The following SLC26A5 variants were observed in gnomAD, a reference collection of about 807,000 sequenced individuals.
SLC26A5 encodes the protein solute carrier family 26 member 5.
SLC26A5 carries 51 observed loss-of-function variants against 81.0 expected under a neutral mutation model. That is an observed-to-expected ratio of 0.63 (90% CI 0.50 to 0.80). The LOEUF is 0.80. Ranked by LOEUF, SLC26A5 falls within the 30% of genes least tolerant of loss-of-function variation. SLC26A5 has a pLI of 0.00. For synonymous variants in SLC26A5, 325 were observed against 332.8 expected, an observed-to-expected ratio of 0.98 and a Z score of 0.25; for missense variants, 771 against 905.8, an observed-to-expected ratio of 0.85 and a Z score of 1.91.
intron 2 of SLC26A5, among the ~76,000 whole-genome samples, chr7:103,434,460 AC>A (rs796369651): frequency 5.9e-5 from 9 of 152,202 alleles, no homozygotes; most frequent in African/African-American, 2.2e-4. Flanking sequence ...TTTTAACCTC[AC>A]ACTTTTCCTC....
downstream of SLC26A5, among the ~76,000 whole-genome samples, chr7:103,373,661 A>C (rs190136847): frequency 1.8e-3 from 276 of 152,316 alleles, no homozygotes; most frequent in African/African-American, 6.4e-3. Context: ...AAATCTGGGG[A>C]CAATTGGGGA....
At chr7:103,376,676 G>A (rs1821374096) in intron 19 of SLC26A5, 132 bp downstream of exon 19, 1 of 715,958 alleles carries the variant, frequency 1.4e-6, no homozygotes, top group Non-Finnish European at 2.3e-6. Flanking sequence ...TGGCTTTAGA[G>A]TGATTTTTCA....
intron 4 of SLC26A5, among the ~76,000 whole-genome samples, chr7:103,414,231 G>T (rs1824733980): frequency 7.0e-6 from 1 of 142,742 alleles, no homozygotes; most frequent in South Asian, 2.2e-4. Flanking sequence ...TGTCACCCAG[G>T]CTGGAGTACA....
At chr7:103,429,381 T>C (rs1252434713) in intron 2 of SLC26A5, among the ~76,000 whole-genome samples, 1 of 152,234 alleles carries the variant, frequency 6.6e-6, no homozygotes, top group Non-Finnish European at 1.5e-5. Context: ...ATGACTTCTC[T>C]ATGGGCCTCA....
intron 4 of SLC26A5, among the ~76,000 whole-genome samples, chr7:103,417,250 G>C (rs567590736): frequency 6.6e-6 from 1 of 151,668 alleles, no homozygotes; most frequent in East Asian, 2.0e-4. Context: ...CGCACCTGTA[G>C]TCCCAGCTAC....
rs973691443 is a variant in SLC26A5 at position 103,353,947 on chromosome 7, T to C, written c.2042-1021A>G. ...TCTGGATGAGGGGGATATTGCCTTGTTGAAAACTTATGTAAGTCCTTTCAG... is the reference window on the plus strand; with the variant it reads ...TCTGGATGAGGGGGATATTGCCTTGCTGAAAACTTATGTAAGTCCTTTCAG... On this transcript the variant is annotated intron_variant, in intron 19 of 19. Transcript: ENST00000339444. The C allele has an allele frequency of 1.3e-5, 21 of 1,601,334 alleles. 1 individual carries two copies. The highest frequency in any genetic ancestry group is 1.5e-5 in the Non-Finnish European group (18 of 1,171,768).
chr7:103,372,670 A>T (rs1326804428), downstream of SLC26A5, among the ~76,000 whole-genome samples: 1 of 152,184 alleles, frequency 6.6e-6, no homozygotes, highest in Admixed American at 6.5e-5. Flanking sequence ...ATGAACTTCT[A>T]AGGAAGATTT....
chr7:103,371,526 C>T (rs1472342781), downstream of SLC26A5, among the ~76,000 whole-genome samples: 366 of 150,726 alleles, frequency 2.4e-3, 8 homozygotes, highest in Admixed American at 0.022. Context: ...GGGGTTTCAC[C>T]ATGTTAGCCA....
chr7:103,389,810 T>A (rs988518590), intron 12 of SLC26A5, among the ~76,000 whole-genome samples: 1 of 152,098 alleles, frequency 6.6e-6, no homozygotes, highest in Non-Finnish European at 1.5e-5. Flanking sequence ...GTATTTCTAG[T>A]AGAGACGGGA....
chr7:103,355,791 C>T lies in SLC26A5; in HGVS notation c.2042-2865G>A, dbSNP rs777028783. 72 of 1,609,862 alleles carry T rather than the reference C, an allele frequency of 4.5e-5. No individual in the cohort carries two copies. The highest frequency in any genetic ancestry group is 1.6e-4 in the Middle Eastern group (1 of 6,072). On this transcript the variant is annotated intron_variant, in intron 19 of 19. Coordinates refer to the SLC26A5 transcript ENST00000339444. Reference sequence around the variant, plus strand: ...AGAGTGAACAGCCTTTACAGGTTGCCAGGTATGCACGGGTGCTCTGTGGCA... The same window carrying T: ...AGAGTGAACAGCCTTTACAGGTTGCTAGGTATGCACGGGTGCTCTGTGGCA...
chr7:103,395,976 T>C (rs1204456033), intron 9 of SLC26A5, among the ~76,000 whole-genome samples: 1 of 152,210 alleles, frequency 6.6e-6, no homozygotes, highest in Non-Finnish European at 1.5e-5. Flanking sequence ...AGGTGTTCAC[T>C]CATTGCCTTC....
In SLC26A5 at chr7:103,427,339, A is replaced by G. The variant is rs118047049; in HGVS notation, c.-53-5772T>C. On this transcript the variant is annotated intron_variant, in intron 2 of 19. Transcript: ENST00000306312. ...GTGATTTGCCCACCTTGGCCTCCCA[A>G]AGTGCTGGAATTATGGGTGTGAACC... 3.3e-3 allele frequency among the ~76,000 whole-genome samples: 509 copies of G among 152,124 alleles called. 3 individuals are homozygous for G. Among genetic ancestry groups the G allele is most frequent in the East Asian group, 0.021 (109 of 5,160 alleles).
At chr7:103,422,075 T>C (rs1403983740) in intron 2 of SLC26A5, among the ~76,000 whole-genome samples, 2 of 152,246 alleles carry the variant, frequency 1.3e-5, no homozygotes, top group Non-Finnish European at 2.9e-5. Context: ...GTGACCTTTG[T>C]GAAAGGCAGT....
rs540324474 is a variant in SLC26A5 at position 103,422,605 on chromosome 7, T to G, written c.-53-1038A>C. The stretch of plus-strand genomic sequence containing the variant: ...AGAGGGAAATGAGACTAAGAAGGGA[T>G]AGTAGAGGGCTTCTACTAACTGTAT... On this transcript the variant is annotated intron_variant, in intron 2 of 19. Transcript: ENST00000306312. Among the ~76,000 whole-genome samples the G allele has an allele frequency of 5.3e-5, 8 of 152,174 alleles. No individual in the cohort carries two copies. The East Asian group carries it at 1.5e-3, about 29-fold the overall frequency.
Position 103,384,616 on chromosome 7 carries a change from TA to T in SLC26A5, c.1515-4068del, listed in dbSNP as rs112141222. On this transcript the variant is annotated intron_variant, in intron 14 of 19. Transcript: ENST00000306312. ...TGGGCGACAGAGCATGACTCTGTCT[TA>T]AAAAAAAAAGTGCTGATTTGTCAGC... Among the ~76,000 whole-genome samples the T allele has an allele frequency of 1.8e-3, 272 of 148,468 alleles. 1 individual carries two copies. The highest frequency in any genetic ancestry group is 6.0e-3 in the African/African-American group (243 of 40,674).
At chr7:103,364,329 A>T (rs1820573529) in intron 19 of SLC26A5, 1 of 1,612,062 alleles carries the variant, frequency 6.2e-7, no homozygotes, top group African/African-American at 1.3e-5. Context: ...TTATCAAAGA[A>T]TATATAGCCT....
intron 6 of SLC26A5, among the ~76,000 whole-genome samples, 174 bp from the exon 7 acceptor site, chr7:103,410,723 C>T (rs945190610): frequency 2.0e-5 from 3 of 151,972 alleles, no homozygotes; most frequent in South Asian, 2.1e-4. Flanking sequence ...CTCTGCCTCC[C>T]GGGTTCAAGC....
At chr7:103,399,490 T>C (rs1277047880) in intron 8 of SLC26A5, among the ~76,000 whole-genome samples, 5 of 152,212 alleles carry the variant, frequency 3.3e-5, no homozygotes, top group Admixed American at 6.5e-5. Flanking sequence ...ATTGCTTCCT[T>C]GTGAGCTACG....
At chr7:103,366,091 C>T in intron 19 of SLC26A5, 1 of 1,613,556 alleles carries the variant, frequency 6.2e-7, no homozygotes, top group Non-Finnish European at 8.5e-7. Context: ...TCGAATGGTT[C>T]GTGAACTCTT....
Sources: gnomAD v4.1 joint callset for allele counts (sites outside exome capture counted in the v4.1 genomes callset) on GRCh38, gnomAD v4.1.1 for gene constraint, MANE v1.5 for transcripts, NCBI Gene and HGNC (gene_info 2026-07-23, HGNC 2026-07-21) for gene names.